Variants in CYP4F8 observed in about 807,000 individuals in gnomAD.
CYP4F8 encodes cytochrome P450 family 4 subfamily F member 8, also known as cytochrome P450 4F8.
Under a neutral mutation model 55.0 loss-of-function variants are expected in CYP4F8, and 56 were observed. The observed-to-expected ratio is 1.02, with a 90% CI of 0.82 to 1.27. The LOEUF (loss-of-function observed/expected upper bound fraction) is 1.27, where lower values mean the gene tolerates loss of function less well. Among genes scored for constraint, CYP4F8 ranks in the 50% most tolerant of loss-of-function variants. The pLI, the probability that CYP4F8 is intolerant of heterozygous loss-of-function variation, is 0.00. For synonymous variants in CYP4F8, 288 were observed against 267.3 expected (o/e 1.08, Z -0.76); for missense variants, 680 against 682.4 (o/e 1.00, Z 0.04).
Position 15,628,828 on chromosome 19 carries a change from T to TGGGC in CYP4F8, c.1382_1383insGGGC (p.Phe461LeufsTer87), listed in dbSNP as rs1286425803. 5.0e-6 allele frequency: 8 copies of TGGGC among 1,603,956 alleles called. No individual in the cohort carries two copies. The highest frequency in any genetic ancestry group is 6.8e-6 in the Non-Finnish European group (8 of 1,175,754). ...AGGTCACCTATGGCTTTTATTCCTT[T>TGGGC]CTCGGCGGGGCCCAGGTGAGGCCAG... On this transcript the variant is annotated frameshift_variant, in exon 12 of 13. Coordinates refer to ENST00000612078, the MANE Select transcript of CYP4F8 (RefSeq NM_007253.4). LOFTEE classifies it low-confidence loss of function (END_TRUNC).
At chr19:15,629,088 C>T (rs1256384686) in intron 12 of CYP4F8, 105 bp from the exon 13 acceptor site, 6 of 1,444,186 alleles carry the variant, frequency 4.2e-6, no homozygotes, top group Middle Eastern at 2.5e-4. Context: ...CCCTGTCTGC[C>T]CAAGGTGATC....
Position 15,624,104 on chromosome 19 carries a change from G to C in CYP4F8, c.1115+10G>C, listed in dbSNP as rs772533565. ...CTAAAGAGATTGAATGGTGAGTGCA[G>C]GTGCTGGTGGCTCTGCCTTTCTGCC... On this transcript the variant is annotated intron_variant, in intron 9 of 12. Coordinates refer to ENST00000612078, the MANE Select transcript of CYP4F8 (RefSeq NM_007253.4). 1 of 1,611,938 alleles carries C rather than the reference G, an allele frequency of 6.2e-7. No homozygotes were observed. The highest frequency in any genetic ancestry group is 8.5e-7 in the Non-Finnish European group (1 of 1,178,346).
Position 15,624,005 on chromosome 19 carries a change from C to A in CYP4F8, c.1026C>A (p.Tyr342Ter). 1.2e-6 allele frequency: 2 copies of A among 1,614,186 alleles called. No individual in the cohort carries two copies. Among genetic ancestry groups the A allele is most frequent in the Non-Finnish European group, 1.7e-6 (2 of 1,180,024 alleles). The change falls in exon 9 of 13, where the codon TAC becomes TAA. Residue 342 changes from tyrosine (Y) to a stop codon, truncating the protein, a stop_gained. Transcript: ENST00000612078. LOFTEE classifies it high-confidence loss of function. ...CCAGTGGCCTCTCCTGGGTCTTGTA[C>A]AACCTCGCGAGGCACCCAGAATACC... ...TTASGLSWVL[Y>*]NLARHPEYQE...
intron 9 of CYP4F8, among the ~76,000 whole-genome samples, chr19:15,625,441 T>C (rs1041251345): frequency 6.7e-5 from 10 of 150,248 alleles, no homozygotes; most frequent in African/African-American, 2.4e-4. Flanking sequence ...TATATATGTA[T>C]TTTAAGGCAA....
At chr19:15,618,357 G>A (rs1290099066) in intron 3 of CYP4F8, 1 of 828,694 alleles carries the variant, frequency 1.2e-6, no homozygotes, top group Admixed American at 2.0e-5. Context: ...GTGTTGTTCT[G>A]GGAACCACTG....
chr19:15,626,630 T>TATCTATCTATC (rs1555738324), intron 9 of CYP4F8, among the ~76,000 whole-genome samples: 1 of 109,032 alleles, frequency 9.2e-6, no homozygotes, highest in African/African-American at 3.3e-5. Flanking sequence ...TCTATCTATC[T>TATCTATCTATC]ATCTATCTAT....
rs1036679304 is a variant in CYP4F8, at chr19:15,618,495, C to T, written c.343+351C>T. 9.2e-5 allele frequency: 36 copies of T among 391,758 alleles called. 1 individual carries two copies. Among genetic ancestry groups the T allele is most frequent in the South Asian group, 6.8e-4 (33 of 48,826 alleles). 24.3% of individuals were successfully genotyped at this position (391,758 alleles called of 1,614,324 possible). On this transcript the variant is annotated intron_variant, in intron 3 of 12. Coordinates refer to ENST00000612078, the MANE Select transcript of CYP4F8 (RefSeq NM_007253.4). ...TGGGCCAGGAGGAGATAGGCTGTGA[C>T]AGAGCATAGGAGAACAAGGTTTCTA... is the stretch of plus-strand genomic sequence containing the variant.
rs370365464 is a variant in CYP4F8, at chr19:15,629,207, A to G, written c.1412A>G (p.Gln471Arg). The G allele has an allele frequency of 2.5e-6, 4 of 1,610,304 alleles. No homozygotes were observed. The South Asian group carries it at 4.4e-5, about 18-fold the overall frequency. Residue 471 changes from glutamine to arginine, a missense_variant, in exon 13 of 13, where the codon CAG becomes CGG. Transcript: ENST00000612078. Reference sequence around the variant, plus strand: ...TTGGCCCCCAGGAACTGCATCGGGCAGAAGTTCGCGATGGCAGAGATGAAG... The same window carrying G: ...TTGGCCCCCAGGAACTGCATCGGGCGGAAGTTCGCGATGGCAGAGATGAAG... ...FSAGPRNCIG[Q>R]KFAMAEMKVV...
chr19:15,624,192 T>C, intron 9 of CYP4F8, 98 bp downstream of exon 9: 5 of 1,533,104 alleles, frequency 3.3e-6, no homozygotes, highest in East Asian at 2.3e-5. Context: ...ATCTTTTTGA[T>C]GATTCTGCCA....
At chr19:15,625,924 T>A (rs1972256589) in intron 9 of CYP4F8, among the ~76,000 whole-genome samples, 1 of 152,202 alleles carries the variant, frequency 6.6e-6, no homozygotes, top group African/African-American at 2.4e-5. Flanking sequence ...ATTTTAAAAT[T>A]CTATATATGT....
At chr19:15,616,430 C>A (rs899145208) in intron 2 of CYP4F8, among the ~76,000 whole-genome samples, 1 of 152,142 alleles carries the variant, frequency 6.6e-6, no homozygotes, top group African/African-American at 2.4e-5. Flanking sequence ...ACTAGTGAAC[C>A]TCTGATGGGT....
At chr19:15,625,980 T>C (rs191344113) in intron 9 of CYP4F8, among the ~76,000 whole-genome samples, 2 of 152,328 alleles carry the variant, frequency 1.3e-5, no homozygotes, top group Admixed American at 1.3e-4. Context: ...TTCAGAAATA[T>C]AGCACTATGA....
Position 15,622,544 on chromosome 19 carries a change from G to A in CYP4F8, c.647+204G>A, listed in dbSNP as rs189015704. 3.5e-3 allele frequency among the ~76,000 whole-genome samples: 531 copies of A among 152,256 alleles called. 1 individual carries two copies. The highest frequency in any genetic ancestry group is 5.6e-3 in the Non-Finnish European group (381 of 68,016). On this transcript the variant is annotated intron_variant, in intron 6 of 12. Coordinates refer to ENST00000612078, the MANE Select transcript of CYP4F8 (RefSeq NM_007253.4). ...AACAAGTGGAACTGTTTGGGTCAAG[G>A]CAAGGAGGCTAAGATGAACAGAGCA...
In CYP4F8 at chr19:15,623,476, T is replaced by C. The variant is rs553182730; in HGVS notation, c.918+101T>C. ...TGATACAGAGGGCACTAAGGAGCCA[T>C]GGAAGGTGCTCGAAGAAGGGAGGGA... On this transcript the variant is annotated intron_variant, in intron 7 of 12. Coordinates refer to ENST00000612078, the MANE Select transcript of CYP4F8 (RefSeq NM_007253.4). The C allele has an allele frequency of 5.4e-5, 82 of 1,525,662 alleles. No individual in the cohort carries two copies. The South Asian group carries it at 1.0e-3, about 19-fold the overall frequency. 94.5% of individuals were successfully genotyped at this position (1,525,662 alleles called of 1,614,324 possible).
chr19:15,616,617 C>T (rs375256197), intron 2 of CYP4F8, among the ~76,000 whole-genome samples: 4 of 152,260 alleles, frequency 2.6e-5, no homozygotes, highest in African/African-American at 9.6e-5. Context: ...CTATACACCC[C>T]CTACCCTCAC....
intron 5 of CYP4F8, chr19:15,621,850 T>C (rs2144605812): frequency 5.7e-6 from 1 of 175,752 alleles, no homozygotes; most frequent in Non-Finnish European, 1.2e-5. Flanking sequence ...ATTTCCCAAG[T>C]TCACCCAGCT....
Position 15,629,376 on chromosome 19 carries a change from C to CCACCTACCTTTGCAT in CYP4F8, c.*33_*47dup, listed in dbSNP as rs748224882. The stretch of plus-strand genomic sequence containing the variant: ...TGGGCTGAGGCCTGCAGTGACCCAC[C>CCACCTACCTTTGCAT]CACCTACCTTTGCATCACCTACCTT... On this transcript the variant is annotated 3_prime_UTR_variant, in exon 13 of 13. Transcript: ENST00000612078. 1.2e-5 allele frequency: 19 copies of CCACCTACCTTTGCAT among 1,585,590 alleles called. No individual in the cohort carries two copies. The highest frequency in any genetic ancestry group is 1.4e-5 in the Non-Finnish European group (16 of 1,165,690).
Position 15,625,394 on chromosome 19 carries a change from TAC to T in CYP4F8, c.1115+1310_1115+1311del, listed in dbSNP as rs1158329632. Among the ~76,000 whole-genome samples, 247 of 149,026 alleles carry T rather than the reference TAC, an allele frequency of 1.7e-3. 1 individual carries two copies. The highest frequency in any genetic ancestry group is 5.0e-3 in the African/African-American group (205 of 40,938). On this transcript the variant is annotated intron_variant, in intron 9 of 12. Transcript: ENST00000612078. ...TATATAGTGTTTGTGTATATATATA[TAC>T]ACACACACATACTATATATAGTGTA...
intron 9 of CYP4F8, among the ~76,000 whole-genome samples, chr19:15,625,351 ATATATATAGTG>A (rs1292325293): frequency 1.4e-5 from 2 of 145,098 alleles, no homozygotes; most frequent in Non-Finnish European, 3.1e-5. Context: ...TATATAGTGT[ATATATATAGTG>A]TATATATATA....
Sources: allele counts gnomAD v4.1 joint callset (sites outside exome capture counted in the v4.1 genomes callset), GRCh38; gene constraint gnomAD v4.1.1; transcripts MANE v1.5; gene names NCBI Gene and HGNC (gene_info 2026-07-23, HGNC 2026-07-21).